Variants in DMD observed in about 807,000 individuals in gnomAD.
DMD encodes the protein dystrophin.
A neutral mutation model predicts 330.1 loss-of-function variants in DMD; 63 were observed. The ratio of observed to expected loss-of-function variants is 0.19; its 90% CI spans 0.16 to 0.24. The LOEUF (loss-of-function observed/expected upper bound fraction) is 0.24, where lower values mean the gene tolerates loss of function less well. Ranked by LOEUF, DMD falls within the 10% of genes least tolerant of loss-of-function variation. The pLI, the probability that DMD is intolerant of heterozygous loss-of-function variation, is 1.00. For missense variants in DMD, 3,344 were observed against 2,684.1 expected (o/e 1.25, Z -5.43); for synonymous variants, 1,223 against 959.8 (o/e 1.27, Z -5.07).
intron 1 of DMD, among the ~76,000 whole-genome samples, chrX:33,230,741 C>T (rs766067887): frequency 9.0e-6 from 1 of 110,944 alleles, no homozygotes; most frequent in Non-Finnish European, 1.9e-5. Flanking sequence ...ACTAGCCAAA[C>T]ACATAGCTAT....
chrX:32,340,662 T>A (rs781293241), intron 41 of DMD, among the ~76,000 whole-genome samples: 24 of 111,912 alleles, frequency 2.1e-4, no homozygotes, highest in African/African-American at 7.8e-4. Context: ...AGCAAAGGAC[T>A]CCCCCTTGAA....
intron 9 of DMD, among the ~76,000 whole-genome samples, chrX:32,648,706 T>C (rs747871765): frequency 7.1e-5 from 8 of 112,176 alleles, no homozygotes; most frequent in Non-Finnish European, 1.3e-4. Flanking sequence ...ATAGAGACCT[T>C]GGAATAAAAG....
intron 9 of DMD, among the ~76,000 whole-genome samples, chrX:32,661,134 G>T (rs183299443): frequency 2.2e-4 from 24 of 111,382 alleles, no homozygotes; most frequent in African/African-American, 7.8e-4. Context: ...ATAAGCCTGT[G>T]AAGAGACATT....
intron 52 of DMD, among the ~76,000 whole-genome samples, chrX:31,710,752 T>A (rs1341522637): frequency 9.0e-6 from 1 of 111,687 alleles, no homozygotes; most frequent in Non-Finnish European, 1.9e-5. Context: ...AGCCTGATCA[T>A]CTCTAGGTAA....
chrX:32,982,586 G>A (rs901379680), intron 2 of DMD, among the ~76,000 whole-genome samples: 9 of 111,444 alleles, frequency 8.1e-5, no homozygotes, highest in African/African-American at 2.9e-4. Context: ...AATAATGCAG[G>A]AATAAACCCA....
intron 7 of DMD, among the ~76,000 whole-genome samples, chrX:32,785,186 G>A (rs1048076421): frequency 4.8e-5 from 5 of 103,909 alleles, no homozygotes; most frequent in African/African-American, 1.1e-4. Context: ...ACAAATGCTC[G>A]TGCTCTATAA....
At chrX:33,032,173 T>C (rs1371178799) in intron 1 of DMD, among the ~76,000 whole-genome samples, 2 of 111,819 alleles carry the variant, frequency 1.8e-5, no homozygotes, top group East Asian at 5.7e-4. Flanking sequence ...TATGAGAGTG[T>C]GTCAATTCTG....
chrX:31,505,652 G>T (rs1295163459), intron 56 of DMD, among the ~76,000 whole-genome samples: 1 of 108,789 alleles, frequency 9.2e-6, no homozygotes, highest in Non-Finnish European at 1.9e-5. Context: ...TTTTTCTTTT[G>T]AGACAGAGTC....
chrX:32,980,301 G>A (rs2092670439), intron 2 of DMD, among the ~76,000 whole-genome samples: 1 of 102,194 alleles, frequency 9.8e-6, no homozygotes, highest in Admixed American at 1.1e-4. Flanking sequence ...AGGAGGCGGA[G>A]GTTGCAGTGA....
chrX:32,428,094 C>A (rs1478954076), intron 29 of DMD, among the ~76,000 whole-genome samples: 1 of 110,660 alleles, frequency 9.0e-6, no homozygotes, highest in Non-Finnish European at 1.9e-5. Context: ...CTTCTCTTTC[C>A]ATTTACTTTC....
In DMD at chrX:32,654,116, T is replaced by A. The variant is rs1440809947; in HGVS notation, c.961-8964A>T. On this transcript the variant is annotated intron_variant, in intron 9 of 78. Coordinates refer to ENST00000357033, the MANE Select transcript of DMD (RefSeq NM_004006.3). Reference sequence around the variant, plus strand: ...TGCAAACAGGGACAATTTGACTTCCTCTTTTCCTAATTGAATACCCTTTAT... The same window carrying A: ...TGCAAACAGGGACAATTTGACTTCCACTTTTCCTAATTGAATACCCTTTAT... 2.7e-5 allele frequency among the ~76,000 whole-genome samples: 3 copies of A among 111,545 alleles called. No individual in the cohort carries two copies. In the South Asian group the frequency reaches 1.1e-3, roughly 42 times the overall value.
At chrX:33,082,061 G>A (rs1157349728) in intron 1 of DMD, among the ~76,000 whole-genome samples, 40 of 108,547 alleles carry the variant, frequency 3.7e-4, no homozygotes, top group Admixed American at 3.7e-3. Flanking sequence ...TCACGTGTGC[G>A]TTAAGAGTGG....
At chrX:31,622,370 A>C (rs1308420664) in intron 55 of DMD, among the ~76,000 whole-genome samples, 3 of 111,039 alleles carry the variant, frequency 2.7e-5, no homozygotes, top group African/African-American at 6.6e-5. Context: ...ACAATATTGA[A>C]ACTTACTTAA....
chrX:31,384,353 CTACTACTACTTT>C (rs1325592670), intron 60 of DMD, among the ~76,000 whole-genome samples: 2 of 94,548 alleles, frequency 2.1e-5, no homozygotes, highest in African/African-American at 3.6e-5. Context: ...ACTACTACTA[CTACTACTACTTT>C]AGCTTCATAG....
At chrX:32,438,440 A>G in intron 28 of DMD, 50 bp from the exon 29 acceptor site, 1 of 1,161,430 alleles carries the variant, frequency 8.6e-7, no homozygotes, top group Admixed American at 2.2e-5. Flanking sequence ...TTCTAAATAC[A>G]TTGGATTATC....
At chrX:32,176,274 C>T (rs2096906149) in intron 44 of DMD, among the ~76,000 whole-genome samples, 1 of 112,140 alleles carries the variant, frequency 8.9e-6, no homozygotes, top group Admixed American at 9.4e-5. Context: ...CCTATCCCTG[C>T]TTACTAAAAT....
At chrX:31,702,771 C>T (rs1298995538) in intron 52 of DMD, among the ~76,000 whole-genome samples, 2 of 110,178 alleles carry the variant, frequency 1.8e-5, no homozygotes, top group Admixed American at 9.7e-5. Flanking sequence ...GTGATTCTAA[C>T]GTGCAGCCAG....
intron 54 of DMD, among the ~76,000 whole-genome samples, chrX:31,630,285 A>G (rs1224833522): frequency 8.9e-6 from 1 of 111,816 alleles, no homozygotes; most frequent in South Asian, 3.8e-4. Flanking sequence ...GTAAGAAACC[A>G]TTTTCCTAAA....
At position 32,730,466 on chromosome X, in the gene DMD, T is replaced by C. The variant is rs761360428; in HGVS notation, c.650-31173A>G. On this transcript the variant is annotated intron_variant, in intron 7 of 78. Transcript: ENST00000357033. ...GACACAAAAACAATTTGAATGTTTATGAAAAAGAGTACTTCAACAGGAAGT... is the reference window on the plus strand; with the variant it reads ...GACACAAAAACAATTTGAATGTTTACGAAAAAGAGTACTTCAACAGGAAGT... Among the ~76,000 whole-genome samples, 131 of 112,438 alleles carry C rather than the reference T, an allele frequency of 1.2e-3. 1 individual carries two copies. The highest frequency in any genetic ancestry group is 2.0e-3 in the Non-Finnish European group (108 of 53,308).
Sources: allele counts gnomAD v4.1 joint callset (sites outside exome capture counted in the v4.1 genomes callset), GRCh38; gene constraint gnomAD v4.1.1; transcripts MANE v1.5; gene names NCBI Gene and HGNC (gene_info 2026-07-23, HGNC 2026-07-21).